Variants in STK10 observed in about 807,000 individuals in gnomAD.
STK10 encodes the protein serine/threonine kinase 10.
In STK10, 78 loss-of-function variants were observed where a neutral mutation model predicts 113.8. The observed-to-expected ratio is 0.69, with a 90% CI of 0.57 to 0.83. The LOEUF (loss-of-function observed/expected upper bound fraction) is 0.83, where lower values mean the gene tolerates loss of function less well. Ranked by LOEUF, STK10 falls within the 40% of genes least tolerant of loss-of-function variation. The probability of loss-of-function intolerance (pLI) is 0.00; values close to 1 mark genes in which losing one functional copy is unlikely to be tolerated. For synonymous variants in STK10, 465 were observed against 494.7 expected (o/e 0.94, Z 0.80); for missense variants, 1,109 against 1,280.1 (o/e 0.87, Z 2.04).
rs543155126 is a variant in STK10, at chr5:172,102,795, G to T, written c.870+2861C>A. On this transcript the variant is annotated intron_variant, in intron 7 of 18. Transcript: ENST00000176763. ...CCAGTATCTACTCAGCACCTCACAT[G>T]TGACAGCTGTATGTTAAAAATGTTA... Among the ~76,000 whole-genome samples, 10 of 152,282 alleles carry T rather than the reference G, an allele frequency of 6.6e-5. No homozygotes were observed. The South Asian group carries it at 2.1e-3, about 32-fold the overall frequency.
rs1239778408 is a variant in STK10 at position 172,093,796 on chromosome 5, G to T, written c.1170C>A (p.Thr390=). The T allele has an allele frequency of 3.7e-6, 6 of 1,608,448 alleles. No homozygotes were observed. The highest frequency in any genetic ancestry group is 5.1e-6 in the Non-Finnish European group (6 of 1,175,774). The stretch of plus-strand genomic sequence containing the variant: ...CAGGGGCCACGACTGGGGGACTGGT[G>T]GTTTGGAGGGATCTGTCCCCAGAGG... ...SQPSGDRSLQ[T]TSPPVVAPGN... is the part of the protein sequence containing the mutation. Residue 390 remains threonine, a synonymous_variant, in exon 9 of 19, where the codon ACC becomes ACA. Transcript: ENST00000176763. This position sits in a 1 kb window ranked among gnomAD's most constrained non-coding sequence, Gnocchi z 4.1.
chr5:172,172,115 A>T (rs992252726), intron 1 of STK10, among the ~76,000 whole-genome samples: 5 of 152,180 alleles, frequency 3.3e-5, no homozygotes, highest in Non-Finnish European at 7.4e-5. Flanking sequence ...TCTTGAACCC[A>T]GGTGGTGGAG....
intron 4 of STK10, among the ~76,000 whole-genome samples, chr5:172,113,691 C>T (rs1769298623): frequency 6.6e-6 from 1 of 152,120 alleles, no homozygotes; most frequent in Non-Finnish European, 1.5e-5. Context: ...CTGAGGCAGG[C>T]AGATCACCTG....
chr5:172,083,115 A>G, intron 10 of STK10, 31 bp from the exon 11 acceptor site: 1 of 1,612,058 alleles, frequency 6.2e-7, no homozygotes, highest in Non-Finnish European at 8.5e-7. Flanking sequence ...GATATTTCAC[A>G]GTAAGAAACT....
In STK10 at chr5:172,082,165, C is replaced by T. The variant is rs568576724; in HGVS notation, c.1989+161G>A. On this transcript the variant is annotated intron_variant, in intron 12 of 18. Coordinates refer to ENST00000176763, the MANE Select transcript of STK10 (RefSeq NM_005990.4). This position sits in a 1 kb window ranked among gnomAD's most constrained non-coding sequence, Gnocchi z 4.3. ...AGTTCAGAAGATGGAGAAGTGGCTC[C>T]TCATGGCGCAGCTTGGGCACACAGA... Among the ~76,000 whole-genome samples the T allele has an allele frequency of 6.6e-6, 1 of 152,260 alleles. No individual in the cohort carries two copies. The highest frequency in any genetic ancestry group is 2.4e-5 in the African/African-American group (1 of 41,554).
At chr5:172,163,786 C>T (rs1346403549) in intron 1 of STK10, among the ~76,000 whole-genome samples, 1 of 152,178 alleles carries the variant, frequency 6.6e-6, no homozygotes, top group Non-Finnish European at 1.5e-5. Context: ...TTCACCCTTC[C>T]CCGATTTTTC....
intron 12 of STK10, among the ~76,000 whole-genome samples, chr5:172,068,585 ATCTT>A (rs1389699266): frequency 6.6e-6 from 1 of 152,204 alleles, no homozygotes; most frequent in African/African-American, 2.4e-5. Flanking sequence ...TTCCCTTAAG[ATCTT>A]TAAAATCTCA....
chr5:172,042,607 C>T lies in STK10; in HGVS notation c.*2275G>A, dbSNP rs6555987. 0.17 allele frequency: 26,007 copies of T among 152,070 alleles called. 4,178 individuals carry two copies. The highest frequency in any genetic ancestry group is 0.43 in the African/African-American group (17,779 of 41,296). The allele number at this position is 152,070 out of a possible 1,614,324, so 9.4% of individuals were successfully genotyped here. A position where few individuals can be genotyped will look rare whatever the true frequency, so the allele number is the denominator to read the frequency against. ...AGCAGCCCTGTCTGGTGGTTCCCAA[C>T]GCTGGCCTGGCCTGGTAGAACTGGG... On this transcript the variant is annotated 3_prime_UTR_variant, in exon 19 of 19. Coordinates refer to ENST00000176763, the MANE Select transcript of STK10 (RefSeq NM_005990.4).
chr5:172,104,464 T>C (rs750709272), intron 7 of STK10, among the ~76,000 whole-genome samples: 18 of 152,184 alleles, frequency 1.2e-4, no homozygotes, highest in Non-Finnish European at 2.5e-4. Context: ...GAAACCATTA[T>C]CCACCTGCCC....
intron 4 of STK10, among the ~76,000 whole-genome samples, chr5:172,108,535 G>T (rs1439634927): frequency 2.0e-5 from 3 of 149,970 alleles, no homozygotes; most frequent in Non-Finnish European, 4.4e-5. Context: ...AAAATCGCTT[G>T]AACCCGGGAG....
chr5:172,059,620 G>C (rs570972769), intron 14 of STK10, among the ~76,000 whole-genome samples: 1 of 151,980 alleles, frequency 6.6e-6, no homozygotes, highest in Non-Finnish European at 1.5e-5. Flanking sequence ...GAGACGCCCC[G>C]TCTGAGCTCC....
intron 9 of STK10, among the ~76,000 whole-genome samples, chr5:172,091,626 A>G (rs111607020): frequency 0.21 from 32,080 of 150,136 alleles, 4,802 homozygotes; most frequent in African/African-American, 0.43. Flanking sequence ...TGCCTCCCGG[A>G]TTCAAGTGAT....
At chr5:172,055,860 A>G (rs1767741101) in intron 15 of STK10, 84 bp from the exon 16 acceptor site, 8 of 1,245,428 alleles carry the variant, frequency 6.4e-6, no homozygotes. Flanking sequence ...CCCACACTCC[A>G]CTCAGGGGCC....
chr5:172,151,680 G>A (rs1358173241), intron 2 of STK10, among the ~76,000 whole-genome samples: 1 of 152,178 alleles, frequency 6.6e-6, no homozygotes, highest in African/African-American at 2.4e-5. Flanking sequence ...ATCACTGCTG[G>A]AGTTATGTGT....
chr5:172,055,909 C>T lies in STK10; in HGVS notation c.2338-133G>A, dbSNP rs138969661. The T allele has an allele frequency of 4.0e-3, 2,621 of 662,670 alleles. 13 individuals carry two copies. Among genetic ancestry groups the T allele is most frequent in the Admixed American group, 5.3e-3 (124 of 23,610 alleles). 41.0% of individuals were successfully genotyped at this position (662,670 alleles called of 1,614,324 possible). A position where few individuals can be genotyped will look rare whatever the true frequency, so the allele number is the denominator to read the frequency against. ...GCCCACAATGTTCAGCAGATCAAGG[C>T]TGGTGTTATTTTGCTTCTACACTAA... On this transcript the variant is annotated intron_variant, in intron 15 of 18. Coordinates refer to ENST00000176763, the MANE Select transcript of STK10 (RefSeq NM_005990.4).
At chr5:172,097,143 A>T (rs1424678412) in intron 7 of STK10, among the ~76,000 whole-genome samples, 1 of 152,160 alleles carries the variant, frequency 6.6e-6, no homozygotes, top group Admixed American at 6.5e-5. Flanking sequence ...GGTTCAAGGG[A>T]TTCTCCTGCC....
At chr5:172,105,833 A>C in intron 6 of STK10, 96 bp from the exon 7 acceptor site, 1 of 1,107,268 alleles carries the variant, frequency 9.0e-7, no homozygotes, top group Non-Finnish European at 1.4e-6. Flanking sequence ...ATGCCCCTCA[A>C]AGGACAGAGG....
chr5:172,157,747 C>T (rs539524540), intron 1 of STK10, among the ~76,000 whole-genome samples: 5 of 151,970 alleles, frequency 3.3e-5, no homozygotes, highest in South Asian at 2.1e-4. Context: ...TGCACCACCA[C>T]GCCTGGCTAA....
At chr5:172,129,551 T>C (rs1336107322) in intron 2 of STK10, among the ~76,000 whole-genome samples, 1 of 152,218 alleles carries the variant, frequency 6.6e-6, no homozygotes, top group Non-Finnish European at 1.5e-5. Flanking sequence ...CTCCATCCAC[T>C]TGTTCATTCA....
Sources: gnomAD v4.1 joint callset for allele counts (sites outside exome capture counted in the v4.1 genomes callset) on GRCh38, gnomAD v4.1.1 for gene constraint, Gnocchi (gnomAD v3.1) non-coding constraint, MANE v1.5 for transcripts, NCBI Gene and HGNC (gene_info 2026-07-23, HGNC 2026-07-21) for gene names.